RELN: variants seen among roughly 807,000 people sequenced by gnomAD.
RELN encodes the protein reelin.
RELN carries 108 observed loss-of-function variants against 427.6 expected under a neutral mutation model. The ratio of observed to expected loss-of-function variants is 0.25; its 90% CI spans 0.22 to 0.30. The LOEUF (loss-of-function observed/expected upper bound fraction) is 0.30, where lower values mean the gene tolerates loss of function less well. Among genes scored for constraint, RELN ranks in the 10% least tolerant of loss-of-function variants. RELN has a pLI of 1.00. For synonymous variants in RELN, 1,524 were observed against 1,513.4 expected (o/e 1.01, Z -0.16); for missense variants, 3,715 against 4,302.8 (o/e 0.86, Z 3.82).
intron 49 of RELN, among the ~76,000 whole-genome samples, chr7:103,518,421 C>T (rs776762235): frequency 2.0e-5 from 3 of 148,480 alleles, no homozygotes; most frequent in Admixed American, 1.3e-4. Flanking sequence ...CAGCCTCAAA[C>T]TCCTGAGCTC....
In RELN at chr7:103,489,767, G is replaced by A; in HGVS notation, c.9738C>T (p.Ile3246=). 1 of 1,614,156 alleles carries A rather than the reference G, an allele frequency of 6.2e-7. No individual in the cohort carries two copies. Among genetic ancestry groups the A allele is most frequent in the Non-Finnish European group, 8.5e-7 (1 of 1,180,022 alleles). ...SGHGYCTTGA[I]CICDESFQGD... The stretch of plus-strand genomic sequence containing the variant: ...CTTGGAAGCTCTCGTCGCAGATGCA[G>A]ATGGCACCGGTCGTGCAGTATCCGT... Residue 3246 remains isoleucine (I), a synonymous_variant, in exon 60 of 65, where the codon ATC becomes ATT. Coordinates refer to ENST00000428762, the MANE Select transcript of RELN (RefSeq NM_005045.4).
chr7:103,814,164 AG>A (rs1389058198), intron 3 of RELN, among the ~76,000 whole-genome samples: 2 of 152,176 alleles, frequency 1.3e-5, no homozygotes, highest in Non-Finnish European at 2.9e-5. Context: ...AAATGTGCCA[AG>A]CCTCTGATTC....
chr7:103,657,267 T>C (rs1460455193), intron 12 of RELN, among the ~76,000 whole-genome samples: 9 of 152,186 alleles, frequency 5.9e-5, no homozygotes, highest in African/African-American at 2.4e-5. Flanking sequence ...TTCAGTGTTA[T>C]GATAAATACA....
chr7:103,623,406 G>A (rs1415967126), intron 20 of RELN, among the ~76,000 whole-genome samples: 1 of 152,232 alleles, frequency 6.6e-6, no homozygotes, highest in South Asian at 2.1e-4. Context: ...TTAATGTTTC[G>A]TGAAAGGAAA....
At chr7:103,484,180 G>T in intron 61 of RELN, 1 of 310,822 alleles carries the variant, frequency 3.2e-6, no homozygotes, top group South Asian at 3.8e-5. Context: ...GTGCCCGGCT[G>T]GGAAATCATC....
At chr7:103,843,607 C>G (rs1263790276) in intron 2 of RELN, among the ~76,000 whole-genome samples, 1 of 152,148 alleles carries the variant, frequency 6.6e-6, no homozygotes, top group Non-Finnish European at 1.5e-5. Context: ...CAAGCTTAGG[C>G]TCTCTGTCTT....
chr7:103,622,869 C>A (rs1379809190), intron 20 of RELN, among the ~76,000 whole-genome samples: 1 of 152,200 alleles, frequency 6.6e-6, no homozygotes, highest in Middle Eastern at 3.2e-3. Context: ...GGTCCACAAG[C>A]AAAGGGCCTT....
intron 2 of RELN, among the ~76,000 whole-genome samples, chr7:103,908,519 C>T (rs1795269113): frequency 6.6e-6 from 1 of 152,118 alleles, no homozygotes; most frequent in South Asian, 2.1e-4. Context: ...CCTGAGTTCA[C>T]GTACTGAGCC....
intron 2 of RELN, among the ~76,000 whole-genome samples, chr7:103,875,989 T>C (rs1302222791): frequency 6.6e-6 from 1 of 151,966 alleles, no homozygotes; most frequent in Non-Finnish European, 1.5e-5. Flanking sequence ...CCTGCAAGCA[T>C]TCTTGAGGAA....
At chr7:103,759,245 A>G (rs1268928294) in intron 4 of RELN, among the ~76,000 whole-genome samples, 2 of 152,122 alleles carry the variant, frequency 1.3e-5, no homozygotes, top group East Asian at 3.8e-4. Context: ...GTACTAATGC[A>G]GATTTGATAA....
chr7:103,811,815 G>A (rs962282795), intron 3 of RELN, among the ~76,000 whole-genome samples: 5 of 152,024 alleles, frequency 3.3e-5, no homozygotes, highest in Non-Finnish European at 1.5e-5. Flanking sequence ...TTTAAAAATC[G>A]ACCCCCAAAA....
intron 4 of RELN, among the ~76,000 whole-genome samples, chr7:103,755,296 G>T (rs1218640943): frequency 6.6e-6 from 1 of 150,410 alleles, no homozygotes; most frequent in Non-Finnish European, 1.5e-5. Flanking sequence ...GTGAAACTCC[G>T]TATCCACTAA....
chr7:103,802,024 T>C lies in RELN; in HGVS notation c.474-25397A>G, dbSNP rs536143920. ...GGGGCTTGGCATAATTCGTGGCACA[T>C]AGTTAAGTGTCAGTATATATTTCTT... On this transcript the variant is annotated intron_variant, in intron 3 of 64. Coordinates refer to ENST00000428762, the MANE Select transcript of RELN (RefSeq NM_005045.4). Among the ~76,000 whole-genome samples, 13 of 152,296 alleles carry C rather than the reference T, an allele frequency of 8.5e-5. No individual in the cohort carries two copies. The South Asian group carries it at 2.3e-3, about 27-fold the overall frequency.
At chr7:103,738,406 T>C (rs886552092) in intron 6 of RELN, among the ~76,000 whole-genome samples, 3 of 151,936 alleles carry the variant, frequency 2.0e-5, no homozygotes, top group African/African-American at 7.3e-5. Context: ...CCTTTCTTCT[T>C]ATTGAAATTT....
At chr7:103,936,910 C>G (rs969965557) in intron 1 of RELN, among the ~76,000 whole-genome samples, 4 of 152,138 alleles carry the variant, frequency 2.6e-5, no homozygotes, top group African/African-American at 9.7e-5. Context: ...TTAATGTTAT[C>G]AAAAGTTAGC....
Position 103,492,935 on chromosome 7 carries a change from T to G in RELN, c.9370-909A>C, listed in dbSNP as rs529795020. On this transcript the variant is annotated intron_variant, in intron 57 of 64. Transcript: ENST00000428762. ...GACATCAAGAGCACAGTATATAGCA[T>G]GTTTTGGTCCAAGTATATCGTATAT... is the stretch of plus-strand genomic sequence containing the variant. Among the ~76,000 whole-genome samples the G allele has an allele frequency of 3.3e-5, 5 of 152,280 alleles. No homozygotes were observed. The South Asian group carries it at 8.3e-4, about 25-fold the overall frequency.
chr7:103,654,596 A>G (rs1027653353), intron 12 of RELN, among the ~76,000 whole-genome samples: 1 of 152,092 alleles, frequency 6.6e-6, no homozygotes, highest in Admixed American at 6.6e-5. Flanking sequence ...TGGTTTTAAA[A>G]CAAGGGTGAT....
chr7:103,943,848 CAAAAA>C (rs10631941), intron 1 of RELN, among the ~76,000 whole-genome samples: 15 of 76,440 alleles, frequency 2.0e-4, no homozygotes, highest in African/African-American at 8.2e-4. Flanking sequence ...ATTCTGTCTC[CAAAAA>C]AAAAAAAAAA....
chr7:103,607,352 A>T (rs1441743763), intron 22 of RELN, among the ~76,000 whole-genome samples: 1 of 152,236 alleles, frequency 6.6e-6, no homozygotes, highest in African/African-American at 2.4e-5. Context: ...GAGAAAAAAA[A>T]TTAGTTGTGT....
Sources: gnomAD v4.1 joint callset for allele counts (sites outside exome capture counted in the v4.1 genomes callset) on GRCh38, gnomAD v4.1.1 for gene constraint, MANE v1.5 for transcripts, NCBI Gene and HGNC (gene_info 2026-07-23, HGNC 2026-07-21) for gene names.